SDK2: variants seen among roughly 807,000 people sequenced by gnomAD.
SDK2 encodes the protein sidekick cell adhesion molecule 2.
A neutral mutation model predicts 253.9 loss-of-function variants in SDK2; 105 were observed. The observed-to-expected ratio is 0.41, with a 90% CI of 0.35 to 0.49. The LOEUF (loss-of-function observed/expected upper bound fraction) is 0.49, where lower values mean the gene tolerates loss of function less well. SDK2 is among the 20% of genes least tolerant of loss of function. The probability of loss-of-function intolerance (pLI) is 0.06; values close to 1 mark genes in which losing one functional copy is unlikely to be tolerated. For synonymous variants in SDK2, 1,249 were observed against 1,234.9 expected, an observed-to-expected ratio of 1.01 and a Z score of -0.24; for missense variants, 2,608 against 3,003.0, an observed-to-expected ratio of 0.87 and a Z score of 3.07.
Position 73,629,990 on chromosome 17 carries a change from C to T in SDK2, c.64+14035G>A, listed in dbSNP as rs984119998. Among the ~76,000 whole-genome samples, 4 of 152,116 alleles carry T rather than the reference C, an allele frequency of 2.6e-5. No individual in the cohort carries two copies. ...AGTGAAGAATGAGTGCTGGTCAATA[C>T]CAACCCCCCACCAGGTGCAAGGCCA... On this transcript the variant is annotated intron_variant, in intron 1 of 44. Coordinates refer to ENST00000392650, the MANE Select transcript of SDK2 (RefSeq NM_001144952.2). This position sits in a 1 kb window ranked among gnomAD's most constrained non-coding sequence, Gnocchi z 5.0.
intron 2 of SDK2, among the ~76,000 whole-genome samples, chr17:73,497,514 A>C (rs1325533193): frequency 1.3e-5 from 2 of 152,212 alleles, no homozygotes; most frequent in Admixed American, 6.5e-5. Flanking sequence ...AACTGAGTAC[A>C]GTGTCTTCCC....
At chr17:73,425,100 A>G (rs1394325069) in intron 12 of SDK2, among the ~76,000 whole-genome samples, 1 of 152,078 alleles carries the variant, frequency 6.6e-6, no homozygotes, top group Non-Finnish European at 1.5e-5. Context: ...AGTGCCTGTA[A>G]TCCCAGCTAC....
chr17:73,544,325 C>T (rs1158707942), intron 1 of SDK2, among the ~76,000 whole-genome samples: 1 of 152,214 alleles, frequency 6.6e-6, no homozygotes, highest in East Asian at 1.9e-4. Flanking sequence ...CATAGTTCCT[C>T]CTCTTCACAG....
intron 1 of SDK2, among the ~76,000 whole-genome samples, chr17:73,550,616 C>T (rs1351125229): frequency 6.6e-6 from 1 of 152,166 alleles, no homozygotes; most frequent in African/African-American, 2.4e-5. Context: ...AGCTTCCTGC[C>T]ACACGTCTCT....
chr17:73,419,019 C>G, intron 16 of SDK2, 147 bp downstream of exon 16: 1 of 855,670 alleles, frequency 1.2e-6, no homozygotes, highest in Non-Finnish European at 1.8e-6. Context: ...ATCCTTCCTA[C>G]CACTGAGTAG....
intron 1 of SDK2, among the ~76,000 whole-genome samples, chr17:73,522,642 G>A (rs1043789567): frequency 6.6e-6 from 1 of 152,214 alleles, no homozygotes. Context: ...CATCCAGGGA[G>A]GTCAGCAGCT....
At chr17:73,507,400 C>T (rs761391308) in intron 2 of SDK2, 38 bp downstream of exon 2, 73 of 1,537,442 alleles carry the variant, frequency 4.7e-5, no homozygotes, top group Non-Finnish European at 6.0e-5. Context: ...GGCAGTGGTC[C>T]TGGCAGCCAG....
At position 73,383,532 on chromosome 17, in the gene SDK2, G is replaced by A. The variant is rs2062848910; in HGVS notation, c.4705+344C>T. ...GCATCATCCTTCCGTGTTAGCGCCA[G>A]TGCTGGTGCCGGGGAAGCCTTGCCT... On this transcript the variant is annotated intron_variant, in intron 33 of 44. Coordinates refer to ENST00000392650, the MANE Select transcript of SDK2 (RefSeq NM_001144952.2). The surrounding 1 kb of genome is among the most constrained non-coding windows in gnomAD (Gnocchi z 4.3). 6.6e-6 allele frequency among the ~76,000 whole-genome samples: 1 copy of A among 152,204 alleles called. No homozygotes were observed.
Position 73,431,603 on chromosome 17 carries a change from A to G in SDK2, c.1379T>C (p.Leu460Pro). ...GGAGATGTGTGTGGGGCTGATGAGG[A>G]GGCTGCCCGACTCCAGGGGTGTGAA... ...PRFTPLESGSLLISPTHISDA... is the reference protein window; with the variant it reads ...PRFTPLESGSPLISPTHISDA... Residue 460 changes from leucine (L) to proline (P), a missense_variant, in exon 11 of 45, where the codon CTC becomes CCC. By Grantham distance (98) the Leu-to-Pro change is moderately conservative. This residue lies in a region of SDK2 where 1,505 missense variants were observed against 1,859.1 expected (regional missense o/e 0.81). Transcript: ENST00000392650. This position sits in a 1 kb window ranked among gnomAD's most constrained non-coding sequence, Gnocchi z 5.6. 6.2e-7 allele frequency: 1 copy of G among 1,613,382 alleles called. No individual in the cohort carries two copies. The highest frequency in any genetic ancestry group is 8.5e-7 in the Non-Finnish European group (1 of 1,179,706).
intron 5 of SDK2, among the ~76,000 whole-genome samples, chr17:73,442,348 CT>C (rs11430500): frequency 1.6e-4 from 23 of 147,768 alleles, no homozygotes; most frequent in East Asian, 2.0e-4. Flanking sequence ...CTCATGCAGT[CT>C]TTTTTTTTTT....
At chr17:73,535,581 T>TA (rs1203947944) in intron 1 of SDK2, among the ~76,000 whole-genome samples, 6 of 152,150 alleles carry the variant, frequency 3.9e-5, no homozygotes, top group Non-Finnish European at 5.9e-5. Context: ...CCAGGAAATA[T>TA]AAAAAAGCCC....
chr17:73,351,399 C>T (rs545854793), intron 41 of SDK2, among the ~76,000 whole-genome samples: 10 of 152,276 alleles, frequency 6.6e-5, no homozygotes, highest in African/African-American at 2.4e-4. Context: ...CGTGAGCCAC[C>T]GTTCCCGGCC....
chr17:73,456,081 C>T (rs1415183449), intron 3 of SDK2, 28 bp from the exon 4 acceptor site: 1 of 1,456,972 alleles, frequency 6.9e-7, no homozygotes, highest in African/African-American at 1.4e-5. Flanking sequence ...GCAGTAGGAT[C>T]AGGGGCGGGA....
At chr17:73,412,949 C>T (rs1268511017) in intron 18 of SDK2, among the ~76,000 whole-genome samples, 4 of 152,120 alleles carry the variant, frequency 2.6e-5, no homozygotes, top group African/African-American at 9.7e-5. Flanking sequence ...CCAACCCTGC[C>T]CACACAGTAA....
In SDK2 at chr17:73,463,105, C is replaced by T. The variant is rs143928056; in HGVS notation, c.332-7052G>A. ...AACGGAGACTGAGGCCCCACGATCC[C>T]CTGGGAAAACTCACTCACACTAAGG... On this transcript the variant is annotated intron_variant, in intron 3 of 44. Transcript: ENST00000392650. Among the ~76,000 whole-genome samples, 525 of 152,218 alleles carry T rather than the reference C, an allele frequency of 3.4e-3. 2 individuals carry two copies. Among genetic ancestry groups the T allele is most frequent in the African/African-American group, 0.012 (492 of 41,514 alleles).
At chr17:73,407,285 C>T (rs1356126158) in intron 18 of SDK2, among the ~76,000 whole-genome samples, 1 of 152,102 alleles carries the variant, frequency 6.6e-6, no homozygotes, top group Non-Finnish European at 1.5e-5. Flanking sequence ...TCTTGTCATA[C>T]CAAATTGCAA....
At chr17:73,531,726 C>T (rs2064170505) in intron 1 of SDK2, among the ~76,000 whole-genome samples, 1 of 152,208 alleles carries the variant, frequency 6.6e-6, no homozygotes, top group African/African-American at 2.4e-5. Flanking sequence ...ATAAAATACT[C>T]CTCAATGGGG....
At chr17:73,556,622 G>C (rs1403565231) in intron 1 of SDK2, among the ~76,000 whole-genome samples, 2 of 152,230 alleles carry the variant, frequency 1.3e-5, no homozygotes, top group South Asian at 4.1e-4. Flanking sequence ...GCGGCTGTTG[G>C]CATTGCTGTT....
rs2063609910 is a variant in SDK2 at position 73,467,415 on chromosome 17, G to A, written c.331+4697C>T. On this transcript the variant is annotated intron_variant, in intron 3 of 44. Transcript: ENST00000392650. This position sits in a 1 kb window ranked among gnomAD's most constrained non-coding sequence, Gnocchi z 4.1. The stretch of plus-strand genomic sequence containing the variant: ...TTTCCTCATCTGTAACATGGAGATG[G>A]GGACTTGCACTCTGCAGGCTGGGAC... Among the ~76,000 whole-genome samples the A allele has an allele frequency of 6.6e-6, 1 of 152,140 alleles. No individual in the cohort carries two copies. Among genetic ancestry groups the A allele is most frequent in the Non-Finnish European group, 1.5e-5 (1 of 68,022 alleles).
Sources: allele counts gnomAD v4.1 joint callset (sites outside exome capture counted in the v4.1 genomes callset), GRCh38; gene constraint gnomAD v4.1.1; regional missense constraint gnomAD v4.1.1; non-coding constraint Gnocchi (gnomAD v3.1); transcripts MANE v1.5; gene names NCBI Gene and HGNC (gene_info 2026-07-23, HGNC 2026-07-21).